MRPS25: variants seen among roughly 807,000 people sequenced by gnomAD.
The protein encoded by MRPS25 is mitochondrial ribosomal protein S25.
MRPS25 carries 15 observed loss-of-function variants against 17.3 expected under a neutral mutation model. The ratio of observed to expected loss-of-function variants is 0.87; its 90% CI spans 0.58 to 1.34. The LOEUF is 1.34. Among genes scored for constraint, MRPS25 ranks in the 40% most tolerant of loss-of-function variants. The pLI is 0.00. For missense variants in MRPS25, 225 were observed against 218.6 expected, an observed-to-expected ratio of 1.03 and a Z score of -0.19; for synonymous variants, 94 against 83.3, an observed-to-expected ratio of 1.13 and a Z score of -0.70.
chr3:15,061,598 T>TC (rs2042760519), intron 1 of MRPS25, among the ~76,000 whole-genome samples: 1 of 152,158 alleles, frequency 6.6e-6, no homozygotes, highest in Non-Finnish European at 1.5e-5. Context: ...TGCCTTGGCC[T>TC]CCCAAAGTGT....
Position 15,049,836 on chromosome 3 carries a change from C to T in MRPS25, c.*2605G>A, listed in dbSNP as rs2042577206. 1 of 1,207,980 alleles carries T rather than the reference C, an allele frequency of 8.3e-7. No individual in the cohort carries two copies. The highest frequency in any genetic ancestry group is 1.5e-5 in the African/African-American group (1 of 66,200). The allele number at this position is 1,207,980 out of a possible 1,614,324, so 74.8% of individuals were successfully genotyped here. A position where few individuals can be genotyped will look rare whatever the true frequency, so the allele number is the denominator to read the frequency against. On this transcript the variant is annotated 3_prime_UTR_variant, in exon 4 of 4. Transcript: ENST00000253686. ...GTGGTACAGTCATGGCTCACTCCAG[C>T]CTCAACCTCCTGGGCTCAAGTGATC...
At chr3:15,045,090 A>G (rs1217504221), downstream of MRPS25, 3 of 152,224 alleles carry the variant, frequency 2.0e-5, no homozygotes, top group African/African-American at 7.2e-5. Flanking sequence ...ACCAGCTGAG[A>G]CAATGGAATT....
chr3:15,064,632 A>C (rs1267010449), intron 1 of MRPS25, among the ~76,000 whole-genome samples: 1 of 152,250 alleles, frequency 6.6e-6, no homozygotes, highest in Admixed American at 6.5e-5. Context: ...GAACTGTGCG[A>C]GATATGATCA....
chr3:15,056,915 G>A (rs1320229517), intron 2 of MRPS25, among the ~76,000 whole-genome samples: 1 of 152,238 alleles, frequency 6.6e-6, no homozygotes, highest in Non-Finnish European at 1.5e-5. Context: ...TGGAAAGGCG[G>A]TGCCTGAGAA....
At chr3:15,060,866 G>C (rs1450095542) in intron 1 of MRPS25, among the ~76,000 whole-genome samples, 1 of 151,168 alleles carries the variant, frequency 6.6e-6, no homozygotes, top group African/African-American at 2.4e-5. Flanking sequence ...GGGTGACAGA[G>C]CAAGACTCCA....
downstream of MRPS25, chr3:15,044,337 C>A (rs1198644011): frequency 2.6e-5 from 4 of 152,182 alleles, no homozygotes; most frequent in African/African-American, 9.7e-5. Context: ...TGCCAGCCGA[C>A]CACCCCGGAG....
intron 1 of MRPS25, among the ~76,000 whole-genome samples, chr3:15,064,477 T>C (rs145011151): frequency 2.0e-5 from 3 of 152,252 alleles, no homozygotes; most frequent in African/African-American, 7.2e-5. Context: ...GCGGCCACAC[T>C]GCCCGGCTCA....
chr3:15,057,887 C>T (rs1263531082), intron 2 of MRPS25, among the ~76,000 whole-genome samples: 1 of 152,182 alleles, frequency 6.6e-6, no homozygotes, highest in Non-Finnish European at 1.5e-5. Flanking sequence ...CAGTACTAAT[C>T]TTCTCTTTTT....
intron 1 of MRPS25, among the ~76,000 whole-genome samples, chr3:15,064,797 C>T (rs1225002274): frequency 6.6e-6 from 1 of 152,238 alleles, no homozygotes; most frequent in Non-Finnish European, 1.5e-5. Flanking sequence ...GGGTCAGCCT[C>T]GCCCACCGCG....
At chr3:15,056,194 G>A (rs1378264582) in intron 2 of MRPS25, among the ~76,000 whole-genome samples, 4 of 150,402 alleles carry the variant, frequency 2.7e-5, no homozygotes, top group African/African-American at 9.8e-5. Context: ...CAGCCTGGGC[G>A]ACAGAGCGAG....
rs1230382741 is a variant in MRPS25 at position 15,051,682 on chromosome 3, A to G, written c.*759T>C. Reference sequence around the variant, plus strand: ...AGGGAGCCAGCAGAGCCAGCTATAGACACCATCCCCCCAGCAGGGCCCCAA... The same window carrying G: ...AGGGAGCCAGCAGAGCCAGCTATAGGCACCATCCCCCCAGCAGGGCCCCAA... On this transcript the variant is annotated 3_prime_UTR_variant, in exon 4 of 4. Coordinates refer to ENST00000253686, the MANE Select transcript of MRPS25 (RefSeq NM_022497.5). 5.1e-6 allele frequency: 5 copies of G among 985,698 alleles called. No individual in the cohort carries two copies. The African/African-American group carries it at 8.7e-5, about 17-fold the overall frequency. 61.1% of individuals were successfully genotyped at this position (985,698 alleles called of 1,614,324 possible). A position where few individuals can be genotyped will look rare whatever the true frequency, so the allele number is the denominator to read the frequency against.
At chr3:15,056,210 G>A (rs2042671512) in intron 2 of MRPS25, among the ~76,000 whole-genome samples, 1 of 149,082 alleles carries the variant, frequency 6.7e-6, no homozygotes, top group Non-Finnish European at 1.5e-5. Context: ...GCGAGACTCT[G>A]TCTCAAAAAA....
chr3:15,051,927 C>A lies in MRPS25; in HGVS notation c.*514G>T. The A allele has an allele frequency of 1.0e-6, 1 of 985,756 alleles. No homozygotes were observed. The highest frequency in any genetic ancestry group is 1.2e-6 in the Non-Finnish European group (1 of 830,178). 61.1% of individuals were successfully genotyped at this position (985,756 alleles called of 1,614,324 possible). A position where few individuals can be genotyped will look rare whatever the true frequency, so the allele number is the denominator to read the frequency against. On this transcript the variant is annotated 3_prime_UTR_variant, in exon 4 of 4. Coordinates refer to ENST00000253686, the MANE Select transcript of MRPS25 (RefSeq NM_022497.5). ...TCAACTGTACTTAAAAAAGTGAGCA[C>A]TGCACGAAGGGTTGCCTTTGGATTT...
chr3:15,045,070 A>G (rs2042403655), downstream of MRPS25: 1 of 152,252 alleles, frequency 6.6e-6, no homozygotes, highest in African/African-American at 2.4e-5. Flanking sequence ...TTTCAAAATT[A>G]AGACAAAAAA....
chr3:15,050,137 G>C lies in MRPS25; in HGVS notation c.*2304C>G. The C allele has an allele frequency of 7.4e-7, 1 of 1,359,746 alleles. No individual in the cohort carries two copies. 84.2% of individuals were successfully genotyped at this position (1,359,746 alleles called of 1,614,324 possible). A position where few individuals can be genotyped will look rare whatever the true frequency, so the allele number is the denominator to read the frequency against. ...AAAGGTTTAAAGAGAAACTATCCAG[G>C]ATCAAGTAGCCTACAGGGAACAAAA... On this transcript the variant is annotated 3_prime_UTR_variant, in exon 4 of 4. Transcript: ENST00000253686.
rs2042783126 is a variant in MRPS25, at chr3:15,062,395, T to TG, written c.134+2665dup. ...CAGGCCGCCCCGTCCGGGAGGGAGG[T>TG]GGGGGGTCAGCCCCCCGCCCGGCCA... is the stretch of plus-strand genomic sequence containing the variant. On this transcript the variant is annotated intron_variant, in intron 1 of 3. Transcript: ENST00000253686. Among the ~76,000 whole-genome samples, 3 of 42,046 alleles carry TG rather than the reference T, an allele frequency of 7.1e-5. 1 individual carries two copies. The highest frequency in any genetic ancestry group is 1.7e-3 in the East Asian group (2 of 1,160). The allele number at this position is 42,046 out of a possible 152,430, so 27.6% of individuals were successfully genotyped here.
At chr3:15,057,267 G>A (rs944902278) in intron 2 of MRPS25, among the ~76,000 whole-genome samples, 31 of 152,148 alleles carry the variant, frequency 2.0e-4, no homozygotes, top group Non-Finnish European at 4.4e-4. Flanking sequence ...GAGCTGCGTC[G>A]TCCTCACCTG....
downstream of MRPS25, chr3:15,046,965 T>C (rs1201666546): frequency 1.3e-5 from 2 of 152,644 alleles, no homozygotes; most frequent in African/African-American, 2.4e-5. Flanking sequence ...ATTGTGTGCC[T>C]CCCACCAGCG....
Position 15,050,296 on chromosome 3 carries a change from T to C in MRPS25, c.*2145A>G, listed in dbSNP as rs1575065083. 2 of 1,094,038 alleles carry C rather than the reference T, an allele frequency of 1.8e-6. No homozygotes were observed. The highest frequency in any genetic ancestry group is 2.4e-5 in the South Asian group (1 of 42,318). The allele number at this position is 1,094,038 out of a possible 1,614,324, so 67.8% of individuals were successfully genotyped here. On this transcript the variant is annotated 3_prime_UTR_variant, in exon 4 of 4. Transcript: ENST00000253686. ...TCTGGGCTGTCCACCTCACTGCCCA[T>C]TGCTCCTGTGTCAAGCCTGAACTCA...
Sources: allele counts gnomAD v4.1 joint callset (sites outside exome capture counted in the v4.1 genomes callset), GRCh38; gene constraint gnomAD v4.1.1; transcripts MANE v1.5; gene names NCBI Gene and HGNC (gene_info 2026-07-23, HGNC 2026-07-21).